MBP: variants seen among roughly 807,000 people sequenced by gnomAD.
MBP encodes the protein myelin basic protein, also known as Golli-MBP.
MBP carries 16 observed loss-of-function variants against 35.8 expected under a neutral mutation model. The ratio of observed to expected loss-of-function variants is 0.45; its 90% CI spans 0.30 to 0.68. The LOEUF (loss-of-function observed/expected upper bound fraction) is 0.68, where lower values mean the gene tolerates loss of function less well. Among genes scored for constraint, MBP ranks in the 30% least tolerant of loss-of-function variants. The probability of loss-of-function intolerance (pLI) is 0.08; values close to 1 mark genes in which losing one functional copy is unlikely to be tolerated. For synonymous variants in MBP, 143 were observed against 159.6 expected (o/e 0.90, Z 0.78); for missense variants, 380 against 404.7 (o/e 0.94, Z 0.52).
intron 4 of MBP, among the ~76,000 whole-genome samples, chr18:76,996,410 C>T (rs1258476873): frequency 1.3e-5 from 2 of 152,124 alleles, no homozygotes; most frequent in African/African-American, 4.8e-5. Flanking sequence ...TATACAATAA[C>T]CAGTACATGA....
At position 77,015,905 on chromosome 18, in the gene MBP, A is replaced by G. The variant is rs573008158; in HGVS notation, c.576+927T>C. On this transcript the variant is annotated intron_variant, in intron 4 of 8. Transcript: ENST00000355994. ...TGGAATTCCAGAATCAGCCCTGCAC[A>G]CAGGCAGAAAAACAGCTTCATCTTA... 9 of 985,448 alleles carry G rather than the reference A, an allele frequency of 9.1e-6. No homozygotes were observed. In the East Asian group the frequency reaches 9.1e-4, roughly 99 times the overall value. The allele number at this position is 985,448 out of a possible 1,614,324, so 61.0% of individuals were successfully genotyped here.
At chr18:77,119,917 C>T (rs1976837303) in intron 1 of MBP, among the ~76,000 whole-genome samples, 1 of 152,166 alleles carries the variant, frequency 6.6e-6, no homozygotes, top group African/African-American at 2.4e-5. Context: ...ACAGAGAGGG[C>T]CCTGGGGCAG....
intron 4 of MBP, 96 bp from the exon 5 acceptor site, chr18:76,990,156 G>T: frequency 1.4e-6 from 1 of 707,206 alleles, no homozygotes; most frequent in South Asian, 1.9e-5. Context: ...TTGTAATCTG[G>T]ATTTTTTTTT....
chr18:77,096,808 C>CT, intron 2 of MBP, among the ~76,000 whole-genome samples: 1 of 152,274 alleles, frequency 6.6e-6, no homozygotes, highest in Non-Finnish European at 1.5e-5. Flanking sequence ...TGAAGATAAA[C>CT]TACAAGTTGT....
intron 3 of MBP, among the ~76,000 whole-genome samples, chr18:77,023,379 G>A (rs374733596): frequency 1.1e-4 from 16 of 152,252 alleles, no homozygotes; most frequent in Middle Eastern, 3.4e-3. Context: ...GCACACAAGC[G>A]TCGCCAGGTC....
rs1336047908 is a variant in MBP at position 76,989,053 on chromosome 18, C to T, written c.682-141G>A. On this transcript the variant is annotated intron_variant, in intron 5 of 8. Coordinates refer to ENST00000355994, the MANE Select transcript of MBP (RefSeq NM_001025101.2). This position sits in a 1 kb window ranked among gnomAD's most constrained non-coding sequence, Gnocchi z 4.0. Reference sequence around the variant, plus strand: ...GGGTGCCCAGCCTCCCCACTTCTGTCCTAGTTGGTGAAGAAGTATAGACCT... The same window carrying T: ...GGGTGCCCAGCCTCCCCACTTCTGTTCTAGTTGGTGAAGAAGTATAGACCT... 1 of 786,760 alleles carries T rather than the reference C, an allele frequency of 1.3e-6. No individual in the cohort carries two copies. 48.7% of individuals were successfully genotyped at this position (786,760 alleles called of 1,614,324 possible).
intron 1 of MBP, among the ~76,000 whole-genome samples, chr18:77,122,201 A>G (rs879798372): frequency 6.6e-6 from 1 of 152,194 alleles, no homozygotes; most frequent in Admixed American, 6.5e-5. Flanking sequence ...GGGCTAACAC[A>G]TGTTTTAACA....
chr18:77,098,117 T>C (rs1018873731), intron 2 of MBP, among the ~76,000 whole-genome samples: 11 of 150,528 alleles, frequency 7.3e-5, no homozygotes, highest in Non-Finnish European at 1.6e-4. Flanking sequence ...GTAATTTTGT[T>C]GGTCTCCTGA....
Position 77,102,828 on chromosome 18 carries a change from C to T in MBP, c.51+2383G>A, listed in dbSNP as rs118122055. 2.2e-4 allele frequency among the ~76,000 whole-genome samples: 33 copies of T among 152,288 alleles called. No individual in the cohort carries two copies. The East Asian group carries it at 6.0e-3, about 28-fold the overall frequency. ...GGCCTCTGAGCAGAGCTGTTTTTTC[C>T]ACTTTCACTTTAGGTGAAACTTAAT... On this transcript the variant is annotated intron_variant, in intron 2 of 8. Transcript: ENST00000355994. This position sits in a 1 kb window ranked among gnomAD's most constrained non-coding sequence, Gnocchi z 4.4.
At chr18:77,030,604 G>A (rs913158932) in intron 3 of MBP, among the ~76,000 whole-genome samples, 6 of 152,196 alleles carry the variant, frequency 3.9e-5, no homozygotes, top group East Asian at 1.9e-4. Context: ...ACACCAAAAT[G>A]TGTTATTTTC....
chr18:77,113,140 C>T (rs1976532152), intron 1 of MBP: 1 of 152,262 alleles, frequency 6.6e-6, no homozygotes, highest in African/African-American at 2.4e-5. Flanking sequence ...GGGGTTTCAC[C>T]ATGTTGGCCA....
Position 77,043,734 on chromosome 18 carries a change from T to C in MBP, c.139+22564A>G, listed in dbSNP as rs1438065744. Among the ~76,000 whole-genome samples, 7 of 152,218 alleles carry C rather than the reference T, an allele frequency of 4.6e-5. No homozygotes were observed. The South Asian group carries it at 1.4e-3, about 32-fold the overall frequency. ...GGCGGACTGAGTCACTGCTTTGCTG[T>C]TGCGGCGTGGTGAGTAAAACTTTCC... On this transcript the variant is annotated intron_variant, in intron 3 of 8. Coordinates refer to ENST00000355994, the MANE Select transcript of MBP (RefSeq NM_001025101.2).
At chr18:77,128,458 T>G (rs1977128999) in intron 1 of MBP, among the ~76,000 whole-genome samples, 2 of 152,204 alleles carry the variant, frequency 1.3e-5, no homozygotes, top group South Asian at 4.1e-4. Context: ...TCCTCTGATG[T>G]GTTGGTGGTC....
chr18:77,083,534 G>C (rs1180175981), intron 2 of MBP, among the ~76,000 whole-genome samples: 1 of 152,114 alleles, frequency 6.6e-6, no homozygotes, highest in African/African-American at 2.4e-5. Context: ...TTGCACTTGA[G>C]TTTTTGTTTA....
chr18:76,999,852 T>G (rs1345830023), intron 4 of MBP, among the ~76,000 whole-genome samples: 1 of 152,218 alleles, frequency 6.6e-6, no homozygotes, highest in East Asian at 1.9e-4. Context: ...GTGAACATTT[T>G]TGGTTATTCA....
chr18:77,014,099 T>C, intron 4 of MBP: 1 of 985,464 alleles, frequency 1.0e-6, no homozygotes, highest in African/African-American at 1.7e-5. Context: ...TTCTTTCCTC[T>C]CACAACAAAG....
intron 1 of MBP, among the ~76,000 whole-genome samples, chr18:77,119,067 CAG>C (rs1976805875): frequency 6.6e-6 from 1 of 152,124 alleles, no homozygotes; most frequent in African/African-American, 2.4e-5. Context: ...GGGCAGCTGA[CAG>C]GGGAAAGCGA....
intron 2 of MBP, among the ~76,000 whole-genome samples, chr18:77,088,537 A>G (rs1306697180): frequency 6.6e-6 from 1 of 152,222 alleles, no homozygotes; most frequent in South Asian, 2.1e-4. Context: ...TTATTCTGGT[A>G]TGATGCATGC....
At position 76,988,295 on chromosome 18, in the gene MBP, C is replaced by G; in HGVS notation, c.750+200G>C. 1 of 1,555,198 alleles carries G rather than the reference C, an allele frequency of 6.4e-7. No individual in the cohort carries two copies. Among genetic ancestry groups the G allele is most frequent in the Non-Finnish European group, 8.7e-7 (1 of 1,149,184 alleles). On this transcript the variant is annotated intron_variant, in intron 7 of 8. Transcript: ENST00000355994. The surrounding 1 kb of genome is among the most constrained non-coding windows in gnomAD (Gnocchi z 5.2). ...GGTCCCCGGCACAGAAGCAAGAGAC[C>G]AGACCTTCCGGAAGGGAAGACCACG...
Sources: allele counts gnomAD v4.1 joint callset (sites outside exome capture counted in the v4.1 genomes callset), GRCh38; gene constraint gnomAD v4.1.1; non-coding constraint Gnocchi (gnomAD v3.1); transcripts MANE v1.5; gene names NCBI Gene and HGNC (gene_info 2026-07-23, HGNC 2026-07-21).